The following TBC1D2B variants were observed in gnomAD, a reference collection of about 807,000 sequenced individuals.
TBC1D2B encodes the protein TBC1 domain family member 2B, also known as TBC1 domain family, member 2B.
TBC1D2B carries 64 observed loss-of-function variants against 100.8 expected under a neutral mutation model. The observed-to-expected ratio is 0.64, with a 90% CI of 0.52 to 0.78. The LOEUF is 0.78. Ranked by LOEUF, TBC1D2B falls within the 30% of genes least tolerant of loss-of-function variation. The pLI is 0.00. For missense variants in TBC1D2B, 1,052 were observed against 1,218.4 expected (o/e 0.86, Z 2.03); for synonymous variants, 480 against 479.7 (o/e 1.00, Z -0.01).
chr15:78,001,822 C>A, intron 11 of TBC1D2B, 82 bp from the exon 12 acceptor site: 1 of 1,474,888 alleles, frequency 6.8e-7, no homozygotes, highest in East Asian at 2.5e-5. Context: ...GGGTGCTGGC[C>A]CTACTGGGGA....
chr15:78,052,166 T>C (rs1432128546), intron 2 of TBC1D2B, among the ~76,000 whole-genome samples: 1 of 152,142 alleles, frequency 6.6e-6, no homozygotes, highest in Non-Finnish European at 1.5e-5. Context: ...ACTGCAGCTC[T>C]GGGAAGGCAC....
In TBC1D2B at chr15:78,028,798, C is replaced by G. The variant is rs187865692; in HGVS notation, c.847+1209G>C. Among the ~76,000 whole-genome samples, 500 of 152,228 alleles carry G rather than the reference C, an allele frequency of 3.3e-3. 2 individuals carry two copies. Among genetic ancestry groups the G allele is most frequent in the African/African-American group, 0.011 (465 of 41,540 alleles). On this transcript the variant is annotated intron_variant, in intron 4 of 12. Transcript: ENST00000300584. ...CCCCACAGAAATACAATCAGCAAAC[C>G]CAGATGTGGGAGACTCCTCAGCACG...
chr15:78,068,401 A>ACC (rs1457665776), intron 1 of TBC1D2B, among the ~76,000 whole-genome samples: 7 of 151,770 alleles, frequency 4.6e-5, no homozygotes, highest in South Asian at 2.1e-4. Context: ...ACACACACAC[A>ACC]CACACACACA....
At chr15:78,040,876 AAGAAAG>A (rs1243518535) in intron 3 of TBC1D2B, among the ~76,000 whole-genome samples, 3 of 146,236 alleles carry the variant, frequency 2.1e-5, no homozygotes, top group African/African-American at 7.9e-5. Flanking sequence ...GAAAGAAAGA[AAGAAAG>A]AGAGAGAGAG....
chr15:78,073,767 C>T (rs1234220076), intron 1 of TBC1D2B, among the ~76,000 whole-genome samples: 1 of 152,000 alleles, frequency 6.6e-6, no homozygotes, highest in African/African-American at 2.4e-5. Context: ...GTCAGGAGTT[C>T]GAGACCAGCC....
In TBC1D2B at chr15:78,054,037, T is replaced by C. The variant is rs1395952765; in HGVS notation, c.511A>G (p.Thr171Ala). 1 of 1,612,130 alleles carries C rather than the reference T, an allele frequency of 6.2e-7. No individual in the cohort carries two copies. The highest frequency in any genetic ancestry group is 8.5e-7 in the Non-Finnish European group (1 of 1,179,224). ...CTCCCCTTTATTTCTGCCTTACCAG[T>C]GTTATCTCTGGCTACAAGACCCTTA... ...FPKGLVARDN[T>A]DLIYPHPNAS... The change falls in exon 2 of 13, where the codon ACT becomes GCT. Residue 171 changes from threonine (T) to alanine (A), a missense_variant. By Grantham distance (58) the Thr-to-Ala change is moderately conservative. Around this residue, in one of 4 missense-constraint regions of TBC1D2B, gnomAD observed 627 missense variants for 646.1 expected, o/e 0.97. Coordinates refer to ENST00000300584, the MANE Select transcript of TBC1D2B (RefSeq NM_144572.2).
At position 78,001,756 on chromosome 15, in the gene TBC1D2B, G is replaced by A; in HGVS notation, c.2575-16C>T. On this transcript the variant is annotated splice_polypyrimidine_tract_variant and intron_variant, in intron 11 of 12. Coordinates refer to ENST00000300584, the MANE Select transcript of TBC1D2B (RefSeq NM_144572.2). ...GGAAAATAACCTGTGGAATAAACAGGGAAATCTGTTAGTGGAAAAACCCTG... is the reference window on the plus strand; with the variant it reads ...GGAAAATAACCTGTGGAATAAACAGAGAAATCTGTTAGTGGAAAAACCCTG... 6.3e-7 allele frequency: 1 copy of A among 1,596,588 alleles called. No homozygotes were observed. Among genetic ancestry groups the A allele is most frequent in the Non-Finnish European group, 8.5e-7 (1 of 1,171,730 alleles).
rs2072636298 is a variant in TBC1D2B at position 78,025,399 on chromosome 15, T to C, written c.946A>G (p.Ser316Gly). 1 of 1,614,012 alleles carries C rather than the reference T, an allele frequency of 6.2e-7. No homozygotes were observed. The highest frequency in any genetic ancestry group is 8.5e-7 in the Non-Finnish European group (1 of 1,179,892). ...CCTTCACTTGAAGGGTCACCACTGCTGTGACGATTTTTGTACGACCCAATT... is the reference window on the plus strand; with the variant it reads ...CCTTCACTTGAAGGGTCACCACTGCCGTGACGATTTTTGTACGACCCAATT... ...DIIGSYKNRH[S>G]SGDPSSEGTS... Residue 316 changes from serine to glycine, a missense_variant, in exon 5 of 13, where the codon AGC becomes GGC. Coordinates refer to ENST00000300584, the MANE Select transcript of TBC1D2B (RefSeq NM_144572.2).
rs772793908 is a variant in TBC1D2B, at chr15:78,054,132, C to T, written c.416G>A (p.Trp139Ter). ...CATGTCAAGACTGTTACAATATTCC[C>T]ATCTCTTCTGCTGAAGCTCCTGTAA... ...YWLQELQQKR[W>*]EYCNSLDMVK... Residue 139 changes from tryptophan (W) to a stop codon, truncating the protein, a stop_gained, in exon 2 of 13, where the codon TGG (tryptophan) becomes TAG (stop). Coordinates refer to ENST00000300584, the MANE Select transcript of TBC1D2B (RefSeq NM_144572.2). LOFTEE classifies it high-confidence loss of function. 1.9e-6 allele frequency: 3 copies of T among 1,613,892 alleles called. No homozygotes were observed. Among genetic ancestry groups the T allele is most frequent in the Non-Finnish European group, 2.5e-6 (3 of 1,179,830 alleles).
intron 6 of TBC1D2B, among the ~76,000 whole-genome samples, chr15:78,020,777 T>G (rs965520859): frequency 2.0e-5 from 3 of 152,064 alleles, no homozygotes; most frequent in African/African-American, 7.3e-5. Context: ...GGCCCAGGAG[T>G]GCAGTGCCTG....
At chr15:78,045,215 C>T in intron 2 of TBC1D2B, 147 bp from the exon 3 acceptor site, 1 of 693,700 alleles carries the variant, frequency 1.4e-6, no homozygotes, top group Non-Finnish European at 2.2e-6. Context: ...AAAACATAAT[C>T]TGTGGGTAAC....
chr15:78,077,213 G>A lies in TBC1D2B; in HGVS notation c.360+80C>T, dbSNP rs111264252. 2.7e-4 allele frequency: 376 copies of A among 1,389,400 alleles called. 1 individual carries two copies. The highest frequency in any genetic ancestry group is 3.2e-4 in the Non-Finnish European group (343 of 1,078,340). 86.1% of individuals were successfully genotyped at this position (1,389,400 alleles called of 1,614,324 possible). On this transcript the variant is annotated intron_variant, in intron 1 of 12. Coordinates refer to ENST00000300584, the MANE Select transcript of TBC1D2B (RefSeq NM_144572.2). ...GGGCGAGGAGGCCTTGGAGGAAGGAGGGTGGATGGCGCAAGCCAGTGGCGG... is the reference window on the plus strand; with the variant it reads ...GGGCGAGGAGGCCTTGGAGGAAGGAAGGTGGATGGCGCAAGCCAGTGGCGG...
At chr15:78,014,631 T>A (rs1158701883) in intron 8 of TBC1D2B, among the ~76,000 whole-genome samples, 1 of 152,194 alleles carries the variant, frequency 6.6e-6, no homozygotes, top group East Asian at 1.9e-4. Flanking sequence ...GCATTTGTAG[T>A]ACCAGCTATT....
At chr15:78,003,101 G>A (rs1290253822) in intron 11 of TBC1D2B, 6 of 533,992 alleles carry the variant, frequency 1.1e-5, no homozygotes, top group African/African-American at 1.9e-5. Context: ...GGCTTGATGT[G>A]GGTTGAATGT....
chr15:78,008,569 T>C (rs186118039), intron 10 of TBC1D2B, among the ~76,000 whole-genome samples: 6 of 152,346 alleles, frequency 3.9e-5, no homozygotes, highest in Admixed American at 3.3e-4. Context: ...AACTTCTCTG[T>C]CCCTTGTCCT....
At chr15:78,035,840 T>C (rs1473724770) in intron 3 of TBC1D2B, among the ~76,000 whole-genome samples, 1 of 152,220 alleles carries the variant, frequency 6.6e-6, no homozygotes, top group East Asian at 1.9e-4. Flanking sequence ...CGAATTCTGT[T>C]AGAACAAGAG....
At chr15:78,037,680 G>A (rs1180895266) in intron 3 of TBC1D2B, among the ~76,000 whole-genome samples, 5 of 152,138 alleles carry the variant, frequency 3.3e-5, no homozygotes, top group African/African-American at 9.7e-5. Context: ...CCTGCAGAAC[G>A]GGCTTCTCAA....
Position 78,045,086 on chromosome 15 carries a change from C to T in TBC1D2B, c.515-18G>A. 2.5e-6 allele frequency: 4 copies of T among 1,588,420 alleles called. No homozygotes were observed. The highest frequency in any genetic ancestry group is 3.4e-6 in the Non-Finnish European group (4 of 1,164,816). On this transcript the variant is annotated intron_variant, in intron 2 of 12. Transcript: ENST00000300584. ...AATTAAATCTGAAAAAAAAGGTAAA[C>T]AAATGTCAGTTACTCAAAGCTTCCA...
intron 10 of TBC1D2B, among the ~76,000 whole-genome samples, chr15:78,004,321 T>C (rs1380945022): frequency 1.3e-5 from 2 of 152,112 alleles, no homozygotes; most frequent in Non-Finnish European, 2.9e-5. Flanking sequence ...TAACGATGTG[T>C]TCATACAGCC....
Sources: gnomAD v4.1 joint callset for allele counts (sites outside exome capture counted in the v4.1 genomes callset) on GRCh38, gnomAD v4.1.1 for gene constraint, gnomAD v4.1.1 regional missense constraint, MANE v1.5 for transcripts, NCBI Gene and HGNC (gene_info 2026-07-23, HGNC 2026-07-21) for gene names.